RBFOX2: variants seen among roughly 807,000 people sequenced by gnomAD.
RBFOX2 encodes RNA binding protein fox-1 homolog 2.
Under a neutral mutation model 49.1 loss-of-function variants are expected in RBFOX2, and 10 were observed. That is an observed-to-expected ratio of 0.20 (90% CI 0.13 to 0.35). RBFOX2 has a LOEUF of 0.35. Ranked by LOEUF, RBFOX2 falls within the 10% of genes least tolerant of loss-of-function variation. The pLI, the probability that RBFOX2 is intolerant of heterozygous loss-of-function variation, is 1.00. For synonymous variants in RBFOX2, 183 were observed against 187.4 expected (o/e 0.98, Z 0.19); for missense variants, 323 against 486.9 (o/e 0.66, Z 3.17).
chr22:36,028,535 C>A (rs2059539605), exon 1 of RBFOX2: 1 of 958,602 alleles, frequency 1.0e-6, no homozygotes, highest in South Asian at 4.8e-5. Flanking sequence ...TGCCCCCGCC[C>A]CCGCGTGCGT....
At chr22:35,846,903 C>T (rs1286829669) in intron 1 of RBFOX2, among the ~76,000 whole-genome samples, 1 of 152,178 alleles carries the variant, frequency 6.6e-6, no homozygotes, top group Non-Finnish European at 1.5e-5. Flanking sequence ...GTTTCCTCTT[C>T]CTCCAACTGC....
At chr22:35,865,647 G>T (rs1057008925) in intron 1 of RBFOX2, among the ~76,000 whole-genome samples, 6 of 152,228 alleles carry the variant, frequency 3.9e-5, no homozygotes, top group African/African-American at 1.2e-4. Flanking sequence ...ACCTAAACTA[G>T]TGTGGATATA....
intron 1 of RBFOX2, chr22:35,821,676 A>T: frequency 5.9e-6 from 3 of 504,726 alleles, no homozygotes; most frequent in South Asian, 4.3e-5. Flanking sequence ...TTGAGGACTG[A>T]CCTTCTTTTA....
At chr22:35,965,720 C>T (rs1035154173), upstream of RBFOX2, among the ~76,000 whole-genome samples, 9 of 152,142 alleles carry the variant, frequency 5.9e-5, no homozygotes, top group African/African-American at 2.2e-4. Flanking sequence ...TTAAAAAGCA[C>T]CTTCATCCCC....
intron 2 of RBFOX2, among the ~76,000 whole-genome samples, chr22:35,788,311 G>T (rs2147372731): frequency 6.6e-6 from 1 of 152,232 alleles, no homozygotes; most frequent in East Asian, 1.9e-4. Flanking sequence ...CTCTGATATA[G>T]ATACTAAGGA....
chr22:35,965,063 C>G (rs1315173393), upstream of RBFOX2, among the ~76,000 whole-genome samples: 1 of 152,106 alleles, frequency 6.6e-6, no homozygotes, highest in African/African-American at 2.4e-5. Flanking sequence ...TAGAGCTATG[C>G]GTGGTATTCA....
intron 1 of RBFOX2, among the ~76,000 whole-genome samples, chr22:35,813,423 G>A (rs904112699): frequency 6.6e-6 from 1 of 152,150 alleles, no homozygotes; most frequent in Non-Finnish European, 1.5e-5. Context: ...ATTACCAGAG[G>A]CTAAGCTGCT....
chr22:35,777,983 C>T, intron 4 of RBFOX2, 42 bp downstream of exon 5: 1 of 1,550,034 alleles, frequency 6.5e-7, no homozygotes, highest in Non-Finnish European at 8.8e-7. Flanking sequence ...ACATAAAACT[C>T]AAAAAGAAAT....
At chr22:35,802,046 A>G (rs955798938) in intron 2 of RBFOX2, among the ~76,000 whole-genome samples, 2 of 152,138 alleles carry the variant, frequency 1.3e-5, no homozygotes, top group Non-Finnish European at 2.9e-5. Context: ...TCTCTTTAGG[A>G]ACTCAAATTG....
At chr22:35,996,064 A>G (rs1347136462) in intron 1 of RBFOX2, 3 of 152,246 alleles carry the variant, frequency 2.0e-5, no homozygotes, top group African/African-American at 4.8e-5. Flanking sequence ...GGATGAATTC[A>G]TAGTTTATTA....
At chr22:36,001,577 T>C (rs2058427172) in intron 1 of RBFOX2, among the ~76,000 whole-genome samples, 1 of 152,000 alleles carries the variant, frequency 6.6e-6, no homozygotes, top group African/African-American at 2.4e-5. Flanking sequence ...CTGGGCAACA[T>C]AGCAAGACCC....
chr22:36,019,867 G>A (rs2059175199), intron 1 of RBFOX2, among the ~76,000 whole-genome samples: 1 of 152,112 alleles, frequency 6.6e-6, no homozygotes. Context: ...AGCTACCAAT[G>A]ACTTTCTTCA....
upstream of RBFOX2, among the ~76,000 whole-genome samples, chr22:35,939,882 C>G (rs914506853): frequency 6.6e-6 from 1 of 152,094 alleles, no homozygotes; most frequent in East Asian, 1.9e-4. Context: ...CCCTTGCTTT[C>G]AAGGGAACTT....
In RBFOX2 at chr22:35,867,679, T is replaced by A. The variant is rs2043849369; in HGVS notation, c.-33-57675A>T. On this transcript the variant is annotated intron_variant, in intron 1 of 13. Coordinates refer to the RBFOX2 transcript ENST00000359369. Reference sequence around the variant, plus strand: ...AGTAAGTTTGATTAGCTTTTTAAAATTAGCATTCTTTGAAAACTATTTTAT... The same window carrying A: ...AGTAAGTTTGATTAGCTTTTTAAAAATAGCATTCTTTGAAAACTATTTTAT... Among the ~76,000 whole-genome samples the A allele has an allele frequency of 2.0e-5, 3 of 152,156 alleles. No individual in the cohort carries two copies. In the South Asian group the frequency reaches 6.2e-4, roughly 32 times the overall value.
At chr22:35,885,104 T>G (rs1361226078) in intron 1 of RBFOX2, among the ~76,000 whole-genome samples, 1 of 152,142 alleles carries the variant, frequency 6.6e-6, no homozygotes, top group Non-Finnish European at 1.5e-5. Context: ...TCCAAGAAAC[T>G]TATTTTTAAT....
chr22:35,903,441 G>A (rs1001722984), intron 1 of RBFOX2, among the ~76,000 whole-genome samples: 1 of 152,040 alleles, frequency 6.6e-6, no homozygotes, highest in Non-Finnish European at 1.5e-5. Context: ...TAAAAGGCAA[G>A]TGTTCCTTGG....
intron 1 of RBFOX2, among the ~76,000 whole-genome samples, chr22:35,838,437 G>A (rs957242130): frequency 1.2e-4 from 18 of 151,982 alleles, no homozygotes; most frequent in Non-Finnish European, 7.4e-5. Flanking sequence ...GGTGATCGGC[G>A]ATCAGAGGGC....
chr22:35,751,137 T>C (rs980721499), intron 9 of RBFOX2, among the ~76,000 whole-genome samples: 2 of 152,262 alleles, frequency 1.3e-5, no homozygotes, highest in African/African-American at 4.8e-5. Flanking sequence ...ATCTGACCTT[T>C]ATCTGCATAT....
intron 1 of RBFOX2, among the ~76,000 whole-genome samples, chr22:35,901,243 CA>C (rs1363874614): frequency 6.6e-6 from 1 of 152,208 alleles, no homozygotes; most frequent in Non-Finnish European, 1.5e-5. Context: ...TCCACTAAAT[CA>C]TACCTATTCA....
Sources: gnomAD v4.1 joint callset for allele counts (sites outside exome capture counted in the v4.1 genomes callset) on GRCh38, gnomAD v4.1.1 for gene constraint, MANE v1.5 for transcripts, NCBI Gene and HGNC (gene_info 2026-07-23, HGNC 2026-07-21) for gene names.